ZNF804A: variants seen among roughly 807,000 people sequenced by gnomAD.
The protein encoded by ZNF804A is zinc finger protein 804A.
A neutral mutation model predicts 16.5 loss-of-function variants in ZNF804A; 2 were observed. The ratio of observed to expected loss-of-function variants is 0.12; its 90% CI spans 0.05 to 0.38. The LOEUF is 0.38. Among genes scored for constraint, ZNF804A ranks in the 10% least tolerant of loss-of-function variants. ZNF804A has a pLI of 0.99. For missense variants in ZNF804A, 1,473 were observed against 1,390.7 expected (o/e 1.06, Z -0.94); for synonymous variants, 534 against 489.6 (o/e 1.09, Z -1.20).
At chr2:184,719,510 C>G (rs1237300645) in intron 1 of ZNF804A, among the ~76,000 whole-genome samples, 1 of 152,088 alleles carries the variant, frequency 6.6e-6, no homozygotes, top group Non-Finnish European at 1.5e-5. Flanking sequence ...GTTCTCCTTC[C>G]CTTATAAACC....
chr2:184,616,740 C>T (rs534150030), intron 1 of ZNF804A, among the ~76,000 whole-genome samples: 10 of 152,220 alleles, frequency 6.6e-5, no homozygotes, highest in Admixed American at 2.0e-4. Context: ...CTACGGAGCA[C>T]AGATTCCAAA....
At chr2:184,709,861 TATATA>T (rs1322829175) in intron 1 of ZNF804A, among the ~76,000 whole-genome samples, 6 of 148,346 alleles carry the variant, frequency 4.0e-5, no homozygotes, top group South Asian at 2.1e-4. Context: ...ATATTATAAA[TATATA>T]ATATATTTTA....
intron 2 of ZNF804A, among the ~76,000 whole-genome samples, chr2:184,916,977 C>G (rs1018757216): frequency 4.6e-5 from 7 of 152,136 alleles, no homozygotes; most frequent in Non-Finnish European, 1.0e-4. Context: ...TTTTTCTGCT[C>G]TGCTTCAATT....
intron 1 of ZNF804A, among the ~76,000 whole-genome samples, chr2:184,606,837 A>ACACG (rs952855882): frequency 1.3e-5 from 2 of 151,408 alleles, no homozygotes; most frequent in African/African-American, 4.9e-5. Flanking sequence ...GTGTCTACAC[A>ACACG]CACACACACA....
At chr2:184,733,964 C>G (rs977747403) in intron 1 of ZNF804A, among the ~76,000 whole-genome samples, 7 of 151,904 alleles carry the variant, frequency 4.6e-5, no homozygotes, top group African/African-American at 1.7e-4. Context: ...AAAGAACCAG[C>G]TTTTGATGTC....
intron 1 of ZNF804A, among the ~76,000 whole-genome samples, chr2:184,638,144 G>A (rs1212288827): frequency 6.6e-6 from 1 of 152,124 alleles, no homozygotes; most frequent in Non-Finnish European, 1.5e-5. Context: ...ACAATATAGA[G>A]CTGTTAGGTT....
intron 1 of ZNF804A, among the ~76,000 whole-genome samples, chr2:184,612,812 G>A (rs1252302396): frequency 6.6e-6 from 1 of 152,144 alleles, no homozygotes; most frequent in African/African-American, 2.4e-5. Flanking sequence ...AATTTCAGAT[G>A]GAGTTTATTA....
chr2:184,919,864 C>G (rs1331946262), intron 2 of ZNF804A, among the ~76,000 whole-genome samples: 1 of 152,058 alleles, frequency 6.6e-6, no homozygotes, highest in Non-Finnish European at 1.5e-5. Flanking sequence ...GCCTGTAATC[C>G]CAGCACTTCG....
chr2:184,769,866 C>T (rs1268979413), intron 1 of ZNF804A, among the ~76,000 whole-genome samples: 1 of 152,056 alleles, frequency 6.6e-6, no homozygotes, highest in Admixed American at 6.6e-5. Flanking sequence ...TCATTATTAA[C>T]AACCTTCAAG....
In ZNF804A at chr2:184,936,110, T is replaced by G; in HGVS notation, c.714T>G (p.Asp238Glu). 6.2e-7 allele frequency: 1 copy of G among 1,614,056 alleles called. No individual in the cohort carries two copies. Among genetic ancestry groups the G allele is most frequent in the Non-Finnish European group, 8.5e-7 (1 of 1,179,956 alleles). Residue 238 changes from aspartate (D) to glutamate (E), a missense_variant, in exon 4 of 4, where the codon GAT becomes GAG. Physicochemically the swap from Asp to Glu is conservative, Grantham distance 45. Coordinates refer to ENST00000302277, the MANE Select transcript of ZNF804A (RefSeq NM_194250.2). ...SSAAAFSEYS[D>E]DASVGKGFSR... The stretch of plus-strand genomic sequence containing the variant: ...CTGCAGCCTTCTCTGAATACAGTGA[T>G]GATGCCTCAGTGGGAAAAGGATTTA...
intron 1 of ZNF804A, among the ~76,000 whole-genome samples, chr2:184,659,130 T>C (rs1339358485): frequency 6.6e-6 from 1 of 152,138 alleles, no homozygotes; most frequent in Non-Finnish European, 1.5e-5. Context: ...TTAGGGAGAA[T>C]ATATGGCTTT....
intron 1 of ZNF804A, among the ~76,000 whole-genome samples, chr2:184,677,004 T>C (rs1013848390): frequency 6.6e-6 from 1 of 151,886 alleles, no homozygotes; most frequent in Admixed American, 6.6e-5. Flanking sequence ...ATCTATTATA[T>C]TTGGAGTTAA....
intron 1 of ZNF804A, among the ~76,000 whole-genome samples, chr2:184,771,578 C>T (rs1328693525): frequency 6.6e-6 from 1 of 151,482 alleles, no homozygotes; most frequent in East Asian, 2.0e-4. Context: ...GAGACCCCAG[C>T]TCTATACAAA....
chr2:184,896,158 T>C (rs904766558), intron 2 of ZNF804A, among the ~76,000 whole-genome samples: 2 of 152,124 alleles, frequency 1.3e-5, no homozygotes. Flanking sequence ...AAACACGACC[T>C]ACCTAGTATC....
chr2:184,694,252 T>G (rs1692783298), intron 1 of ZNF804A, among the ~76,000 whole-genome samples: 1 of 151,954 alleles, frequency 6.6e-6, no homozygotes. Context: ...CTAGGCTTAG[T>G]CTTTATTAGA....
intron 1 of ZNF804A, among the ~76,000 whole-genome samples, chr2:184,649,802 T>C (rs1691949476): frequency 7.0e-6 from 1 of 143,606 alleles, no homozygotes. Context: ...TGAAATTGAA[T>C]CAATTATTTA....
At chr2:184,817,656 A>G (rs1020369993) in intron 1 of ZNF804A, among the ~76,000 whole-genome samples, 2 of 151,966 alleles carry the variant, frequency 1.3e-5, no homozygotes, top group Non-Finnish European at 2.9e-5. Flanking sequence ...ACTAAGAATC[A>G]TGGTAAAGCA....
At chr2:184,644,188 G>C (rs1302573083) in intron 1 of ZNF804A, among the ~76,000 whole-genome samples, 3 of 151,198 alleles carry the variant, frequency 2.0e-5, no homozygotes, top group East Asian at 3.9e-4. Flanking sequence ...GAGGTACAAA[G>C]ACAAGAACCA....
Position 184,935,812 on chromosome 2 carries a change from C to A in ZNF804A, c.416C>A (p.Ser139Ter). The part of the protein sequence containing the change: ...CAPGSGPMFK[S>*]TTVTVRENCN... ...CCTGGAAGTGGCCCCATGTTCAAATCAACAACTGTTACTGTGAGAGAAAAC... is the reference window on the plus strand; with the variant it reads ...CCTGGAAGTGGCCCCATGTTCAAATAAACAACTGTTACTGTGAGAGAAAAC... Residue 139 changes from serine (S) to a stop codon, truncating the protein, a stop_gained, in exon 4 of 4, where the codon TCA (serine) becomes TAA (stop). Coordinates refer to ENST00000302277, the MANE Select transcript of ZNF804A (RefSeq NM_194250.2). LOFTEE classifies it low-confidence loss of function (END_TRUNC). 5 of 1,610,660 alleles carry A rather than the reference C, an allele frequency of 3.1e-6. No homozygotes were observed. The highest frequency in any genetic ancestry group is 2.2e-5 in the South Asian group (2 of 90,546).
Sources: gnomAD v4.1 joint callset for allele counts (sites outside exome capture counted in the v4.1 genomes callset) on GRCh38, gnomAD v4.1.1 for gene constraint, MANE v1.5 for transcripts, NCBI Gene and HGNC (gene_info 2026-07-23, HGNC 2026-07-21) for gene names.